TSNARE1: variants seen among roughly 807,000 people sequenced by gnomAD.
TSNARE1 encodes t-SNARE domain containing 1.
A neutral mutation model predicts 62.0 loss-of-function variants in TSNARE1; 49 were observed. The observed-to-expected ratio is 0.79, with a 90% CI of 0.63 to 1.00. TSNARE1 has a LOEUF of 1.00. Ranked by LOEUF, TSNARE1 falls within the 50% of genes least tolerant of loss-of-function variation. The probability of loss-of-function intolerance (pLI) is 0.00; values close to 1 mark genes in which losing one functional copy is unlikely to be tolerated. For synonymous variants in TSNARE1, 328 were observed against 294.4 expected (o/e 1.11, Z -1.17); for missense variants, 755 against 700.1 (o/e 1.08, Z -0.88).
chr8:142,223,044 TC>T (rs1816509047), intron 13 of TSNARE1, among the ~76,000 whole-genome samples: 1 of 144,748 alleles, frequency 6.9e-6, no homozygotes. Flanking sequence ...ATTCACTCAC[TC>T]ACTCATTCAC....
intron 2 of TSNARE1, among the ~76,000 whole-genome samples, chr8:142,352,928 C>A (rs1834298793): frequency 6.6e-6 from 1 of 152,156 alleles, no homozygotes; most frequent in Non-Finnish European, 1.5e-5. Context: ...CATGCACACA[C>A]ACGTACAATC....
At chr8:142,316,094 C>G (rs547079530) in intron 7 of TSNARE1, among the ~76,000 whole-genome samples, 2 of 151,962 alleles carry the variant, frequency 1.3e-5, no homozygotes, top group Non-Finnish European at 2.9e-5. Flanking sequence ...CTCACGTAAG[C>G]GCAGCGCCTC....
intron 12 of TSNARE1, chr8:142,274,021 C>T: frequency 1.0e-6 from 1 of 985,344 alleles, no homozygotes. Context: ...CTCTCCTGGC[C>T]CCAGCTGGCC....
At chr8:142,234,912 G>C (rs1033941272) in intron 12 of TSNARE1, among the ~76,000 whole-genome samples, 1 of 150,954 alleles carries the variant, frequency 6.6e-6, no homozygotes, top group East Asian at 2.0e-4. Flanking sequence ...CTTGTCCCCC[G>C]CAACACCTTC....
At chr8:142,327,590 C>T (rs1450711433) in intron 6 of TSNARE1, among the ~76,000 whole-genome samples, 1 of 152,238 alleles carries the variant, frequency 6.6e-6, no homozygotes. Context: ...GTCAGCTCTT[C>T]ACACCCTGCT....
intron 11 of TSNARE1, chr8:142,278,462 T>G: frequency 1.0e-6 from 1 of 985,416 alleles, no homozygotes; most frequent in Non-Finnish European, 1.2e-6. Flanking sequence ...TTCCAGCAGC[T>G]CCCAGGAAGG....
At chr8:142,256,760 G>A (rs556771582) in intron 12 of TSNARE1, among the ~76,000 whole-genome samples, 3 of 152,326 alleles carry the variant, frequency 2.0e-5, no homozygotes, top group South Asian at 4.1e-4. Flanking sequence ...CACACAACTC[G>A]TCACTGGCAG....
chr8:142,314,501 A>G, intron 8 of TSNARE1, 61 bp from the exon 9 acceptor site: 1 of 1,471,428 alleles, frequency 6.8e-7, no homozygotes, highest in African/African-American at 1.4e-5. Flanking sequence ...GGAAGGGAGA[A>G]GAAATGGTCA....
chr8:142,264,099 G>C (rs1376381579), intron 12 of TSNARE1, among the ~76,000 whole-genome samples: 1 of 152,104 alleles, frequency 6.6e-6, no homozygotes. Flanking sequence ...CACAAATTTT[G>C]ATATGCAGTA....
In TSNARE1 at chr8:142,403,116, G is replaced by T. The variant is rs1222412130; in HGVS notation, c.-52C>A. 4.7e-5 allele frequency: 7 copies of T among 149,180 alleles called. No individual in the cohort carries two copies. The highest frequency in any genetic ancestry group is 2.0e-4 in the Admixed American group (3 of 14,954). The allele number at this position is 149,180 out of a possible 1,614,324, so 9.2% of individuals were successfully genotyped here. A position where few individuals can be genotyped will look rare whatever the true frequency, so the allele number is the denominator to read the frequency against. Reference sequence around the variant, plus strand: ...GCCGCCGCCTCACCTGGGCCTCGGTGGCTCGCGGACCGCTCCGGGCGCTCA... The same window carrying T: ...GCCGCCGCCTCACCTGGGCCTCGGTTGCTCGCGGACCGCTCCGGGCGCTCA... On this transcript the variant is annotated 5_prime_UTR_variant, in exon 1 of 14. Coordinates refer to ENST00000524325, the MANE Select transcript of TSNARE1 (RefSeq NM_145003.5).
chr8:142,389,201 CAGAAGA>C (rs1315763343), intron 1 of TSNARE1, among the ~76,000 whole-genome samples: 1 of 152,164 alleles, frequency 6.6e-6, no homozygotes, highest in Non-Finnish European at 1.5e-5. Flanking sequence ...TCTCTAGATA[CAGAAGA>C]ATAACAGTGG....
chr8:142,236,851 A>T (rs1353568051), intron 12 of TSNARE1, among the ~76,000 whole-genome samples: 1 of 152,146 alleles, frequency 6.6e-6, no homozygotes, highest in East Asian at 1.9e-4. Context: ...GAAGGAAACA[A>T]AGACCCCGCC....
At chr8:142,364,030 G>T (rs35979165) in intron 1 of TSNARE1, among the ~76,000 whole-genome samples, 30,318 of 152,124 alleles carry the variant, frequency 0.2, 3,280 homozygotes, top group East Asian at 0.36. Flanking sequence ...ATTTTTAAAA[G>T]GAGAAAACAA....
chr8:142,330,922 G>C lies in TSNARE1; in HGVS notation c.872C>G (p.Thr291Arg), dbSNP rs763991843. Reference protein sequence around the residue: ...SLQSLGTPSDTQELRDSLHTA... With the variant: ...SLQSLGTPSDRQELRDSLHTA... ...TCACAGGCTGTCCCGAAGCTCCTGC[G>C]TGTCACTCGGTGTCCCTAAGGACTG... Residue 291 changes from threonine (T) to arginine (R), a missense_variant, in exon 6 of 14, where the codon ACG (threonine) becomes AGG (arginine). Thr to Arg is a moderately conservative substitution (Grantham distance 71, BLOSUM62 -1). Transcript: ENST00000524325. 1 of 1,614,104 alleles carries C rather than the reference G, an allele frequency of 6.2e-7. No individual in the cohort carries two copies. The highest frequency in any genetic ancestry group is 8.5e-7 in the Non-Finnish European group (1 of 1,180,004).
intron 12 of TSNARE1, among the ~76,000 whole-genome samples, chr8:142,256,759 C>A (rs145065879): frequency 2.6e-5 from 4 of 152,216 alleles, no homozygotes; most frequent in African/African-American, 9.7e-5. Context: ...GCACACAACT[C>A]GTCACTGGCA....
At chr8:142,378,350 A>G (rs186715444) in intron 1 of TSNARE1, among the ~76,000 whole-genome samples, 2 of 152,326 alleles carry the variant, frequency 1.3e-5, no homozygotes, top group East Asian at 3.9e-4. Flanking sequence ...TGGTGACAGA[A>G]CTCAGAAAGG....
chr8:142,271,828 C>T (rs1819596091), intron 12 of TSNARE1: 4 of 524,380 alleles, frequency 7.6e-6, no homozygotes, highest in South Asian at 1.4e-4. Context: ...GCTCCGTCTG[C>T]AGTGGGAGTT....
At position 142,354,696 on chromosome 8, in the gene TSNARE1, C is replaced by A. The variant is rs773697344; in HGVS notation, c.29G>T (p.Gly10Val). MSYGSIARGGGLGSRGPFGG... is the reference protein window; with the variant it reads MSYGSIARGVGLGSRGPFGG... The stretch of plus-strand genomic sequence containing the variant: ...GAAAGGGCCACGGCTCCCCAGGCCA[C>A]CTCCACGGGCGATGGATCCGTATGA... The change falls in exon 2 of 14, where the codon GGT becomes GTT. Residue 10 changes from glycine (G) to valine (V), a missense_variant. By Grantham distance (109) the Gly-to-Val change is moderately radical (BLOSUM62 -3). Transcript: ENST00000524325. 6.2e-7 allele frequency: 1 copy of A among 1,613,672 alleles called. No individual in the cohort carries two copies. The highest frequency in any genetic ancestry group is 1.1e-5 in the South Asian group (1 of 91,070).
In TSNARE1 at chr8:142,364,394, G is replaced by GTA. The variant is rs549414376; in HGVS notation, c.-39-9633_-39-9632dup. The stretch of plus-strand genomic sequence containing the variant: ...GAAATACAGATATAGATGTGTGTGG[G>GTA]TATATATAATCACACAGGCACACTC... On this transcript the variant is annotated intron_variant, in intron 1 of 13. Coordinates refer to ENST00000524325, the MANE Select transcript of TSNARE1 (RefSeq NM_145003.5). Among the ~76,000 whole-genome samples the GTA allele has an allele frequency of 2.8e-3, 423 of 152,284 alleles. 4 individuals are homozygous for GTA. Among genetic ancestry groups the GTA allele is most frequent in the African/African-American group, 9.6e-3 (397 of 41,566 alleles).
Sources: gnomAD v4.1 joint callset for allele counts (sites outside exome capture counted in the v4.1 genomes callset) on GRCh38, gnomAD v4.1.1 for gene constraint, MANE v1.5 for transcripts, NCBI Gene and HGNC (gene_info 2026-07-23, HGNC 2026-07-21) for gene names.